Variants in SAMSN1 observed in about 807,000 individuals in gnomAD.
SAMSN1 encodes the protein SAM domain, SH3 domain and nuclear localization signals 1, also known as SAM domain-containing protein SAMSN-1.
SAMSN1 carries 31 observed loss-of-function variants against 42.0 expected under a neutral mutation model. The ratio of observed to expected loss-of-function variants is 0.74; its 90% CI spans 0.55 to 1.00. SAMSN1 has a LOEUF of 1.00. Ranked by LOEUF, SAMSN1 falls within the 50% of genes least tolerant of loss-of-function variation. SAMSN1 has a pLI of 0.00. For missense variants in SAMSN1, 464 were observed against 439.4 expected, an observed-to-expected ratio of 1.06 and a Z score of -0.50; for synonymous variants, 178 against 151.9, an observed-to-expected ratio of 1.17 and a Z score of -1.26.
chr21:14,503,351 GT>G (rs1987258499), intron 5 of SAMSN1, among the ~76,000 whole-genome samples: 1 of 152,114 alleles, frequency 6.6e-6, no homozygotes, highest in Admixed American at 6.5e-5. Context: ...ATGGACTCCA[GT>G]TGATATCCAG....
intron 1 of SAMSN1, among the ~76,000 whole-genome samples, chr21:14,650,539 T>TA (rs1210780635): frequency 6.6e-6 from 1 of 151,922 alleles, no homozygotes; most frequent in Non-Finnish European, 1.5e-5. Flanking sequence ...AAGGCAGTAC[T>TA]AAGAGGGAAG....
At chr21:14,541,347 C>T (rs1980017238) in intron 1 of SAMSN1, among the ~76,000 whole-genome samples, 2 of 150,692 alleles carry the variant, frequency 1.3e-5, no homozygotes, top group African/African-American at 4.9e-5. Flanking sequence ...AAGTACATAG[C>T]TTGAGTGAGT....
At chr21:14,596,745 A>G (rs1228598655) in intron 6 of SAMSN1, among the ~76,000 whole-genome samples, 5 of 152,076 alleles carry the variant, frequency 3.3e-5, no homozygotes, top group Admixed American at 3.3e-4. Flanking sequence ...ACCTATAGCC[A>G]TGAGAGGGAG....
chr21:14,605,100 C>A (rs1017242107), intron 5 of SAMSN1, among the ~76,000 whole-genome samples: 1 of 152,182 alleles, frequency 6.6e-6, no homozygotes, highest in African/African-American at 2.4e-5. Context: ...AATACAGAGG[C>A]AGCAAGGGAT....
chr21:14,536,714 A>G (rs1979646284), intron 1 of SAMSN1, among the ~76,000 whole-genome samples: 2 of 152,200 alleles, frequency 1.3e-5, no homozygotes, highest in African/African-American at 4.8e-5. Flanking sequence ...TTGCAAAGTG[A>G]GACATCAATT....
At chr21:14,599,302 G>A (rs1454873022) in intron 6 of SAMSN1, among the ~76,000 whole-genome samples, 2 of 152,092 alleles carry the variant, frequency 1.3e-5, no homozygotes, top group African/African-American at 4.8e-5. Flanking sequence ...TCATAATAAT[G>A]AGTGACTCTC....
At position 14,644,380 on chromosome 21, in the gene SAMSN1, G is replaced by A. The variant is rs554533694; in HGVS notation, c.25-1247C>T. Among the ~76,000 whole-genome samples, 30 of 152,072 alleles carry A rather than the reference G, an allele frequency of 2.0e-4. No individual in the cohort carries two copies. The East Asian group carries it at 4.3e-3, about 22-fold the overall frequency. On this transcript the variant is annotated intron_variant, in intron 1 of 15. Coordinates refer to the SAMSN1 transcript ENST00000647101. ...AAGAGTCATGAGGTACCCCCCTTCCGGGCCCTAGCTCCCAGATGACATTTC... is the reference window on the plus strand; with the variant it reads ...AAGAGTCATGAGGTACCCCCCTTCCAGGCCCTAGCTCCCAGATGACATTTC...
At chr21:14,623,625 G>T (rs560028009) in intron 2 of SAMSN1, among the ~76,000 whole-genome samples, 3 of 152,228 alleles carry the variant, frequency 2.0e-5, no homozygotes, top group East Asian at 1.9e-4. Context: ...GATTCATAAA[G>T]CAAGTCCTTA....
chr21:14,517,085 A>C (rs1391721869), intron 2 of SAMSN1, 44 bp from the exon 3 acceptor site: 2 of 1,533,222 alleles, frequency 1.3e-6, no homozygotes, highest in African/African-American at 1.4e-5. Context: ...TAAAGCAATA[A>C]AAAACATTGA....
intron 5 of SAMSN1, among the ~76,000 whole-genome samples, chr21:14,504,181 T>C (rs913231160): frequency 6.6e-6 from 1 of 152,024 alleles, no homozygotes; most frequent in African/African-American, 2.4e-5. Flanking sequence ...TCTGATAACA[T>C]GACAAAACAA....
chr21:14,636,294 T>C (rs969313892), intron 2 of SAMSN1, among the ~76,000 whole-genome samples: 1 of 152,134 alleles, frequency 6.6e-6, no homozygotes, highest in East Asian at 1.9e-4. Context: ...TCGTTCCCTC[T>C]TCCTCACTTC....
intron 5 of SAMSN1, among the ~76,000 whole-genome samples, chr21:14,608,255 C>G (rs1226706715): frequency 6.6e-6 from 1 of 152,230 alleles, no homozygotes; most frequent in Non-Finnish European, 1.5e-5. Flanking sequence ...CCCTCCTCCT[C>G]TATCTCCTGG....
chr21:14,536,857 T>G (rs1979655308), intron 1 of SAMSN1, among the ~76,000 whole-genome samples: 2 of 152,180 alleles, frequency 1.3e-5, no homozygotes, highest in Admixed American at 6.5e-5. Flanking sequence ...CAGCATGTAG[T>G]AAGTTACCTA....
At chr21:14,496,043 C>T (rs1275102165) in intron 7 of SAMSN1, 6 of 152,202 alleles carry the variant, frequency 3.9e-5, no homozygotes, top group Non-Finnish European at 8.8e-5. Context: ...CTGAAACCAT[C>T]TTCCCTCTGT....
chr21:14,634,326 A>G (rs1983410997), intron 2 of SAMSN1, among the ~76,000 whole-genome samples: 1 of 152,172 alleles, frequency 6.6e-6, no homozygotes, highest in Admixed American at 6.5e-5. Flanking sequence ...GGATCTAATT[A>G]AACTAAAGAG....
At chr21:14,546,080 G>T in intron 1 of SAMSN1, 125 bp downstream of exon 1, 1 of 763,838 alleles carries the variant, frequency 1.3e-6, no homozygotes, top group Non-Finnish European at 2.1e-6. Context: ...TTGCCATGAG[G>T]CATTAAACCC....
intron 5 of SAMSN1, among the ~76,000 whole-genome samples, chr21:14,508,519 C>T (rs561936725): frequency 1.3e-5 from 2 of 152,126 alleles, no homozygotes; most frequent in Non-Finnish European, 2.9e-5. Flanking sequence ...CCAGCTTACC[C>T]CTGCAAGTAT....
intron 7 of SAMSN1, among the ~76,000 whole-genome samples, chr21:14,490,381 A>G (rs533491200): frequency 2.6e-5 from 4 of 152,318 alleles, no homozygotes; most frequent in African/African-American, 7.2e-5. Flanking sequence ...CCAAAGTGGC[A>G]AAACCCAGGG....
intron 2 of SAMSN1, among the ~76,000 whole-genome samples, chr21:14,518,738 C>T (rs953095925): frequency 1.3e-5 from 2 of 152,144 alleles, no homozygotes; most frequent in South Asian, 2.1e-4. Flanking sequence ...CCAATTTAAA[C>T]CCTCATTGCA....
Sources: allele counts gnomAD v4.1 joint callset (sites outside exome capture counted in the v4.1 genomes callset), GRCh38; gene constraint gnomAD v4.1.1; transcripts MANE v1.5; gene names NCBI Gene and HGNC (gene_info 2026-07-23, HGNC 2026-07-21).